Variants in BLTP2 observed in about 807,000 individuals in gnomAD.
BLTP2 encodes U937-associated antigen.
At chr17:28,621,501 GAAGA>G in the BLTP2 span, 1 of 1,611,856 alleles carries the variant, frequency 6.2e-7, no homozygotes, top group Non-Finnish European at 8.5e-7. Context: ...TTCTTCACCT[GAAGA>G]AAGAGATGCA....
At chr17:28,623,682 T>G in the BLTP2 span, 1 of 1,205,128 alleles carries the variant, frequency 8.3e-7, no homozygotes, top group Non-Finnish European at 1.2e-6. Context: ...AGCAGGTTAC[T>G]GTCAAGAATC....
the BLTP2 span, chr17:28,636,997 T>G: frequency 1.9e-6 from 3 of 1,614,038 alleles, no homozygotes; most frequent in South Asian, 3.3e-5. Context: ...TGATAGGTGA[T>G]GGAGAGCATG....
At chr17:28,636,900 G>T in the BLTP2 span, 66 of 1,094,158 alleles carry the variant, frequency 6.0e-5, no homozygotes, top group Non-Finnish European at 7.8e-5. Flanking sequence ...AAAAAAAAAA[G>T]ACAGAGAAAG....
chr17:28,632,225 G>A, the BLTP2 span: 5 of 1,600,324 alleles, frequency 3.1e-6, no homozygotes, highest in Non-Finnish European at 3.4e-6. Context: ...AGCAGAATTC[G>A]GGGCTGGGAT....
the BLTP2 span, chr17:28,642,388 A>C: frequency 6.7e-5 from 99 of 1,487,038 alleles, no homozygotes; most frequent in Non-Finnish European, 8.2e-5. Context: ...GCGGTGGCTC[A>C]CGCCTGTAAC....
At chr17:28,640,190 C>T in the BLTP2 span, among the ~76,000 whole-genome samples, 3 of 152,040 alleles carry the variant, frequency 2.0e-5, no homozygotes, top group African/African-American at 7.2e-5. Context: ...GTCAGGAGAT[C>T]GAGACCATCC....
the BLTP2 span, chr17:28,616,225 C>T: frequency 6.2e-7 from 1 of 1,603,380 alleles, no homozygotes; most frequent in Non-Finnish European, 8.5e-7. This position sits in a 1 kb window ranked among gnomAD's most constrained non-coding sequence, Gnocchi z 4.8. Flanking sequence ...GGAGTGTGAG[C>T]CCTGAATCCA....
chr17:28,636,441 A>T, the BLTP2 span, among the ~76,000 whole-genome samples: 1 of 152,214 alleles, frequency 6.6e-6, no homozygotes, highest in Non-Finnish European at 1.5e-5. Flanking sequence ...CATTCTTTTT[A>T]AAAAGCCCCT....
At chr17:28,643,563 C>T in the BLTP2 span, 1 of 1,576,792 alleles carries the variant, frequency 6.3e-7, no homozygotes, top group Non-Finnish European at 8.7e-7. Flanking sequence ...CAAACACCAA[C>T]TCCAAAGTAC....
At chr17:28,625,154 G>A in the BLTP2 span, among the ~76,000 whole-genome samples, 1 of 151,766 alleles carries the variant, frequency 6.6e-6, no homozygotes, top group Non-Finnish European at 1.5e-5. Flanking sequence ...TGGCCAACAT[G>A]GTGATACTCC....
the BLTP2 span, chr17:28,640,055 G>C: frequency 6.2e-7 from 1 of 1,609,492 alleles, no homozygotes; most frequent in Non-Finnish European, 8.5e-7. Context: ...AGCTCAGGAA[G>C]ATGTGGAATG....
the BLTP2 span, chr17:28,640,742 G>C: frequency 7.8e-6 from 12 of 1,546,606 alleles, no homozygotes; most frequent in Non-Finnish European, 1.1e-5. Flanking sequence ...CAGTTCTCCC[G>C]AAATGCCCTG....
chr17:28,619,282 A>T, the BLTP2 span, among the ~76,000 whole-genome samples: 3 of 145,524 alleles, frequency 2.1e-5, no homozygotes, highest in Non-Finnish European at 3.0e-5. Context: ...CAGGTTCATT[A>T]AAAAAAAAAA....
the BLTP2 span, chr17:28,632,248 A>G: frequency 1.4e-5 from 22 of 1,585,844 alleles, no homozygotes; most frequent in Non-Finnish European, 1.8e-5. Flanking sequence ...TGCTGCAAAG[A>G]GAAAGACAGA....
At chr17:28,637,133 C>T in the BLTP2 span, 2 of 1,614,184 alleles carry the variant, frequency 1.2e-6, no homozygotes, top group Non-Finnish European at 8.5e-7. Flanking sequence ...CTGCACTGCC[C>T]AGGATAGTTA....
At chr17:28,633,458 C>T in the BLTP2 span, 1 of 1,579,462 alleles carries the variant, frequency 6.3e-7, no homozygotes, top group South Asian at 1.1e-5. Context: ...TCCTCATCTC[C>T]CAAATCAGCA....
chr17:28,627,035 T>A, the BLTP2 span, among the ~76,000 whole-genome samples: 481 of 152,216 alleles, frequency 3.2e-3, no homozygotes, highest in Non-Finnish European at 5.2e-3. Flanking sequence ...TGTCCCTGGG[T>A]AGATAGTGTC....
At chr17:28,643,715 G>T in the BLTP2 span, 1 of 1,499,070 alleles carries the variant, frequency 6.7e-7, no homozygotes. Context: ...GCCACGAGCA[G>T]CTTGACAAGC....
the BLTP2 span, chr17:28,631,408 A>G: frequency 1.4e-6 from 2 of 1,395,812 alleles, no homozygotes; most frequent in African/African-American, 1.4e-5. Flanking sequence ...GTATTTTGTT[A>G]TGGCAGCCCA....
Sources: allele counts gnomAD v4.1 joint callset (sites outside exome capture counted in the v4.1 genomes callset), GRCh38; gene constraint gnomAD v4.1.1; non-coding constraint Gnocchi (gnomAD v3.1); transcripts MANE v1.5; gene names NCBI Gene and HGNC (gene_info 2026-07-23, HGNC 2026-07-21).